NUTM2G: variants seen among roughly 807,000 people sequenced by gnomAD.
NUTM2G encodes the protein NUT family member 2G.
A neutral mutation model predicts 44.3 loss-of-function variants in NUTM2G; 29 were observed. The observed-to-expected ratio is 0.66, with a 90% CI of 0.49 to 0.89. NUTM2G has a LOEUF of 0.89. Ranked by LOEUF, NUTM2G falls within the 40% of genes least tolerant of loss-of-function variation. The pLI is 0.00. For synonymous variants in NUTM2G, 205 were observed against 395.9 expected (o/e 0.52, Z 5.72); for missense variants, 502 against 946.5 (o/e 0.53, Z 6.16).
intron 4 of NUTM2G, among the ~76,000 whole-genome samples, 156 bp from the exon 5 acceptor site, chr9:96,936,908 T>C (rs969988303): frequency 3.9e-5 from 6 of 152,198 alleles, no homozygotes; most frequent in Non-Finnish European, 8.8e-5. Flanking sequence ...GTCTCAGATG[T>C]GCCCCTCCTG....
At chr9:96,933,196 T>G (rs1200752881) in intron 2 of NUTM2G, among the ~76,000 whole-genome samples, 3 of 150,350 alleles carry the variant, frequency 2.0e-5, no homozygotes, top group Non-Finnish European at 3.0e-5. Flanking sequence ...GCCAGGATGC[T>G]CTCAATCTCC....
downstream of NUTM2G, chr9:96,942,823 A>G (rs1826626901): frequency 6.6e-6 from 1 of 151,946 alleles, no homozygotes; most frequent in Non-Finnish European, 1.5e-5. Flanking sequence ...GGGTGACGAT[A>G]GGATCACAAG....
chr9:96,936,664 T>G lies in NUTM2G; in HGVS notation c.982+100T>G, dbSNP rs535336406. The G allele has an allele frequency of 8.8e-6, 13 of 1,484,104 alleles. No individual in the cohort carries two copies. The East Asian group carries it at 3.2e-4, about 36-fold the overall frequency. 91.9% of individuals were successfully genotyped at this position (1,484,104 alleles called of 1,614,324 possible). A position where few individuals can be genotyped will look rare whatever the true frequency, so the allele number is the denominator to read the frequency against. Reference sequence around the variant, plus strand: ...CCATGCTTCCCTTCAAGAGGGGGATTTGCTCCCTCCAACAGGACAGCTTCC... The same window carrying G: ...CCATGCTTCCCTTCAAGAGGGGGATGTGCTCCCTCCAACAGGACAGCTTCC... On this transcript the variant is annotated intron_variant, in intron 4 of 6. Coordinates refer to ENST00000372322, the MANE Select transcript of NUTM2G (RefSeq NM_001170741.3).
At position 96,935,393 on chromosome 9, in the gene NUTM2G, C is replaced by T. The variant is rs761708204; in HGVS notation, c.779C>T (p.Ala260Val). Residue 260 changes from alanine to valine, a missense_variant, in exon 3 of 7, where the codon GCC becomes GTC. By Grantham distance (64) the Ala-to-Val change is moderately conservative. Coordinates refer to ENST00000372322, the MANE Select transcript of NUTM2G (RefSeq NM_001170741.3). Reference protein sequence around the residue: ...TMTLEEGLWRAMREWQHTSNF... With the variant: ...TMTLEEGLWRVMREWQHTSNF... ...ACGCTGGAGGAGGGACTGTGGCGGGCCATGCGGGAATGGCAGCACACGAGC... is the reference window on the plus strand; with the variant it reads ...ACGCTGGAGGAGGGACTGTGGCGGGTCATGCGGGAATGGCAGCACACGAGC... The T allele has an allele frequency of 4.3e-6, 7 of 1,611,898 alleles. No individual in the cohort carries two copies. Among genetic ancestry groups the T allele is most frequent in the Admixed American group, 3.3e-5 (2 of 59,992 alleles).
intron 2 of NUTM2G, among the ~76,000 whole-genome samples, chr9:96,934,918 A>C (rs1244073576): frequency 1.8e-4 from 27 of 151,250 alleles, no homozygotes; most frequent in Middle Eastern, 3.4e-3. Flanking sequence ...GGCTGAGAGC[A>C]AGAGCCCTGG....
At chr9:96,935,644 G>A (rs182755257) in intron 3 of NUTM2G, among the ~76,000 whole-genome samples, 188 bp downstream of exon 3, 267 of 152,264 alleles carry the variant, frequency 1.8e-3, no homozygotes, top group Middle Eastern at 6.8e-3. Flanking sequence ...TCTCTGTCCC[G>A]CCCTCTTGGG....
At position 96,935,450 on chromosome 9, in the gene NUTM2G, C is replaced by T. The variant is rs1220685505; in HGVS notation, c.836C>T (p.Ala279Val). 7.4e-6 allele frequency: 12 copies of T among 1,611,884 alleles called. No individual in the cohort carries two copies. The highest frequency in any genetic ancestry group is 6.7e-5 in the East Asian group (3 of 44,888). ...GACCGGATGATTTTCTACGAGATGGCGGCAAAGTGAGTCTGGGGTCCTGGG... is the reference window on the plus strand; with the variant it reads ...GACCGGATGATTTTCTACGAGATGGTGGCAAAGTGAGTCTGGGGTCCTGGG... ...NFDRMIFYEM[A>V]AKFLEFEAEE... The change falls in exon 3 of 7, where the codon GCG becomes GTG. Residue 279 changes from alanine to valine, a missense_variant. Physicochemically the swap from Ala to Val is moderately conservative, Grantham distance 64. Transcript: ENST00000372322.
At position 96,937,937 on chromosome 9, in the gene NUTM2G, C is replaced by T. The variant is rs1307870166; in HGVS notation, c.1376C>T (p.Pro459Leu). The T allele has an allele frequency of 6.2e-7, 1 of 1,611,762 alleles. No individual in the cohort carries two copies. The highest frequency in any genetic ancestry group is 8.5e-7 in the Non-Finnish European group (1 of 1,179,812). Residue 459 changes from proline to leucine, a missense_variant, in exon 6 of 7, where the codon CCA (proline) becomes CTA (leucine). Transcript: ENST00000372322. ...RFLEELLSPD[P>L]QMDFLALSQE... Reference sequence around the variant, plus strand: ...CTGGAAGAATTGCTTTCCCCAGATCCACAGATGGATTTCTTGGCCCTAAGC... The same window carrying T: ...CTGGAAGAATTGCTTTCCCCAGATCTACAGATGGATTTCTTGGCCCTAAGC...
At chr9:96,938,142 G>A in intron 6 of NUTM2G, 141 bp downstream of exon 6, 2 of 674,096 alleles carry the variant, frequency 3.0e-6, no homozygotes, top group East Asian at 5.3e-5. Flanking sequence ...GAAGATGCAG[G>A]TTCAGAGGGA....
At position 96,934,752 on chromosome 9, in the gene NUTM2G, G is replaced by A. The variant is rs547871554; in HGVS notation, c.714-576G>A. Among the ~76,000 whole-genome samples, 14 of 152,032 alleles carry A rather than the reference G, an allele frequency of 9.2e-5. No homozygotes were observed. In the East Asian group the frequency reaches 1.7e-3, roughly 19 times the overall value. On this transcript the variant is annotated intron_variant, in intron 2 of 6. Transcript: ENST00000372322. Reference sequence around the variant, plus strand: ...TGTCTCAGTCAGCTCAGGCTCTGCCGTAACGAATCCCATAGACTGGGTGCT... The same window carrying A: ...TGTCTCAGTCAGCTCAGGCTCTGCCATAACGAATCCCATAGACTGGGTGCT...
At chr9:96,937,641 CTG>C (rs1384836378) in intron 5 of NUTM2G, among the ~76,000 whole-genome samples, 1 of 151,762 alleles carries the variant, frequency 6.6e-6, no homozygotes, top group African/African-American at 2.4e-5. Context: ...TGTATGTTAC[CTG>C]TGTCTGTCTT....
At position 96,935,358 on chromosome 9, in the gene NUTM2G, G is replaced by A. The variant is rs1826393535; in HGVS notation, c.744G>A (p.Lys248=). ...TTCTCCGATCCCTGGCCCGGCGGAAGCCCACCATGACGCTGGAGGAGGGAC... is the reference window on the plus strand; with the variant it reads ...TTCTCCGATCCCTGGCCCGGCGGAAACCCACCATGACGCTGGAGGAGGGAC... ...IPVLRSLARR[K]PTMTLEEGLW... The change falls in exon 3 of 7, where the codon AAG becomes AAA. Residue 248 remains lysine (K), a synonymous_variant. Coordinates refer to ENST00000372322, the MANE Select transcript of NUTM2G (RefSeq NM_001170741.3). 1.2e-6 allele frequency: 2 copies of A among 1,612,068 alleles called. No individual in the cohort carries two copies. The highest frequency in any genetic ancestry group is 1.3e-5 in the African/African-American group (1 of 74,990).
At position 96,931,867 on chromosome 9, in the gene NUTM2G, G is replaced by A; in HGVS notation, c.162G>A (p.Leu54=). The change falls in exon 2 of 7, where the codon CTG becomes CTA. Residue 54 remains leucine (L), a synonymous_variant. Transcript: ENST00000372322. ...VTAVVPPAGP[L]VLSAFPSTPL... ...CAGTGGTTCCTCCAGCCGGCCCTCT[G>A]GTGCTCTCTGCCTTCCCCAGCACCC... 1 of 1,612,416 alleles carries A rather than the reference G, an allele frequency of 6.2e-7. No individual in the cohort carries two copies. Among genetic ancestry groups the A allele is most frequent in the African/African-American group, 1.3e-5 (1 of 74,958 alleles).
rs770775979 is a variant in NUTM2G, at chr9:96,937,300, A to G, written c.1219A>G (p.Lys407Glu). ...AGGGGAGCCTGAGGGACAACGGGAAAAGGGCAAAGTGGAGCAGCCGCAGGA... is the reference window on the plus strand; with the variant it reads ...AGGGGAGCCTGAGGGACAACGGGAAGAGGGCAAAGTGGAGCAGCCGCAGGA... The part of the protein sequence containing the change: ...DTGEPEGQRE[K>E]GKVEQPQEED... The change falls in exon 5 of 7, where the codon AAG (lysine) becomes GAG (glutamate). Residue 407 changes from lysine (K) to glutamate (E), a missense_variant. Physicochemically the swap from Lys to Glu is moderately conservative, Grantham distance 56 (BLOSUM62 1). Transcript: ENST00000372322. 1.2e-6 allele frequency: 2 copies of G among 1,613,716 alleles called. No individual in the cohort carries two copies. Among genetic ancestry groups the G allele is most frequent in the African/African-American group, 2.7e-5 (2 of 74,886 alleles).
intron 2 of NUTM2G, among the ~76,000 whole-genome samples, chr9:96,934,407 T>C (rs1331760971): frequency 1.3e-5 from 2 of 152,002 alleles, no homozygotes; most frequent in Non-Finnish European, 2.9e-5. Flanking sequence ...ACCCTGGAAC[T>C]GGTTGCATCC....
chr9:96,929,245 C>G (rs906817468), intron 1 of NUTM2G, among the ~76,000 whole-genome samples: 14 of 152,138 alleles, frequency 9.2e-5, no homozygotes, highest in African/African-American at 2.7e-4. Context: ...GACCAAGATG[C>G]CTGGGGGAAT....
chr9:96,938,448 A>G lies in NUTM2G; in HGVS notation c.1525A>G (p.Ser509Gly). ...PRHGTARLDS[S>G]PSEFAAGQEA... ...ACATGGCACGGCCAGGTTGGACTCA[A>G]GTCCTTCTGAGTTTGCAGCTGGCCA... The change falls in exon 7 of 7, where the codon AGT becomes GGT. Residue 509 changes from serine to glycine, a missense_variant. Physicochemically the swap from Ser to Gly is moderately conservative, Grantham distance 56. Coordinates refer to ENST00000372322, the MANE Select transcript of NUTM2G (RefSeq NM_001170741.3). The G allele has an allele frequency of 1.3e-6, 2 of 1,556,432 alleles. No homozygotes were observed. The highest frequency in any genetic ancestry group is 2.4e-5 in the South Asian group (2 of 84,488).
downstream of NUTM2G, among the ~76,000 whole-genome samples, chr9:96,940,620 G>A (rs1228306730): frequency 1.3e-5 from 2 of 151,970 alleles, no homozygotes; most frequent in African/African-American, 4.8e-5. Context: ...GCTCAGGACC[G>A]CTGTGACTGC....
Position 96,935,423 on chromosome 9 carries a change from T to G in NUTM2G, c.809T>G (p.Phe270Cys). The G allele has an allele frequency of 6.2e-7, 1 of 1,611,958 alleles. No homozygotes were observed. The highest frequency in any genetic ancestry group is 8.5e-7 in the Non-Finnish European group (1 of 1,179,846). Residue 270 changes from phenylalanine (F) to cysteine (C), a missense_variant, in exon 3 of 7, where the codon TTT becomes TGT. Transcript: ENST00000372322. The part of the protein sequence containing the change: ...AMREWQHTSN[F>C]DRMIFYEMAA... Reference sequence around the variant, plus strand: ...CGGGAATGGCAGCACACGAGCAACTTTGACCGGATGATTTTCTACGAGATG... The same window carrying G: ...CGGGAATGGCAGCACACGAGCAACTGTGACCGGATGATTTTCTACGAGATG...
Sources: gnomAD v4.1 joint callset for allele counts (sites outside exome capture counted in the v4.1 genomes callset) on GRCh38, gnomAD v4.1.1 for gene constraint, MANE v1.5 for transcripts, NCBI Gene and HGNC (gene_info 2026-07-23, HGNC 2026-07-21) for gene names.